The following OPCML variants were observed in gnomAD, a reference collection of about 807,000 sequenced individuals.
The protein encoded by OPCML is opioid-binding protein/cell adhesion molecule.
A neutral mutation model predicts 37.8 loss-of-function variants in OPCML; 13 were observed. The observed-to-expected ratio is 0.34, with a 90% CI of 0.22 to 0.55. OPCML has a LOEUF of 0.55. Ranked by LOEUF, OPCML falls within the 20% of genes least tolerant of loss-of-function variation. OPCML has a pLI of 0.91. For missense variants in OPCML, 341 were observed against 435.6 expected, an observed-to-expected ratio of 0.78 and a Z score of 1.93; for synonymous variants, 176 against 168.8, an observed-to-expected ratio of 1.04 and a Z score of -0.33.
chr11:133,192,829 C>A (rs1460121009), intron 1 of OPCML, among the ~76,000 whole-genome samples: 4 of 151,766 alleles, frequency 2.6e-5, no homozygotes, highest in Non-Finnish European at 5.9e-5. Flanking sequence ...CTGGTAACCT[C>A]CAATCAACAG....
chr11:133,364,851 G>T (rs928970972), intron 1 of OPCML, among the ~76,000 whole-genome samples: 2 of 152,152 alleles, frequency 1.3e-5, no homozygotes, highest in Middle Eastern at 3.4e-3. Flanking sequence ...GCTTGTGGGG[G>T]GTGTGTGGTG....
intron 3 of OPCML, among the ~76,000 whole-genome samples, chr11:132,603,392 C>T (rs1938059536): frequency 6.6e-6 from 1 of 152,184 alleles, no homozygotes. Context: ...TTGCTTTCAT[C>T]CTCCACATTC....
intron 4 of OPCML, among the ~76,000 whole-genome samples, chr11:132,469,783 T>TGTGTGTATGTGTGGAGGGGG (rs2096131251): frequency 2.0e-5 from 2 of 101,446 alleles, no homozygotes; most frequent in African/African-American, 7.3e-5. Flanking sequence ...TGTGGAGGGG[T>TGTGTGTATGTGTGGAGGGGG]GTGTGTGTGG....
intron 3 of OPCML, among the ~76,000 whole-genome samples, chr11:132,564,887 T>G (rs549969374): frequency 1.3e-5 from 2 of 152,320 alleles, no homozygotes; most frequent in African/African-American, 4.8e-5. Context: ...GACATTCTAC[T>G]CTTGCCTCCT....
intron 3 of OPCML, among the ~76,000 whole-genome samples, chr11:132,552,517 G>A (rs1277439643): frequency 1.3e-5 from 2 of 152,016 alleles, no homozygotes; most frequent in Non-Finnish European, 2.9e-5. Context: ...TTTGTTTGAC[G>A]TTTTTTGAAG....
chr11:133,157,725 C>A (rs1950081852), intron 1 of OPCML, among the ~76,000 whole-genome samples: 2 of 152,140 alleles, frequency 1.3e-5, no homozygotes, highest in Admixed American at 6.5e-5. Flanking sequence ...AAAATTGTAC[C>A]CATCTGTCTA....
intron 2 of OPCML, among the ~76,000 whole-genome samples, chr11:132,760,288 G>A (rs988528388): frequency 6.6e-6 from 1 of 152,200 alleles, no homozygotes; most frequent in African/African-American, 2.4e-5. Flanking sequence ...ATTTGGGGTG[G>A]AGAGTTCTAT....
chr11:132,683,291 T>C (rs1943031281), intron 2 of OPCML, among the ~76,000 whole-genome samples: 1 of 152,088 alleles, frequency 6.6e-6, no homozygotes, highest in Non-Finnish European at 1.5e-5. Context: ...TCCCAGTTAC[T>C]TACGAGGCTG....
chr11:132,585,221 T>C (rs1359441609), intron 3 of OPCML, among the ~76,000 whole-genome samples: 2 of 152,094 alleles, frequency 1.3e-5, no homozygotes, highest in Non-Finnish European at 2.9e-5. Flanking sequence ...AATGGACTAT[T>C]TGGTCTCAAA....
At chr11:133,003,900 C>T (rs776207057) in intron 1 of OPCML, 40 of 985,312 alleles carry the variant, frequency 4.1e-5, no homozygotes, top group Admixed American at 1.2e-4. Flanking sequence ...TCAGGATCCC[C>T]GCCAATCCCG....
chr11:132,533,807 G>A (rs567902675), intron 3 of OPCML, among the ~76,000 whole-genome samples: 118 of 152,180 alleles, frequency 7.8e-4, no homozygotes, highest in South Asian at 1.9e-3. Context: ...CCACTCTCCA[G>A]TTCTCAACTC....
chr11:132,630,067 A>G (rs1022357450), intron 3 of OPCML, among the ~76,000 whole-genome samples: 1 of 152,236 alleles, frequency 6.6e-6, no homozygotes, highest in Non-Finnish European at 1.5e-5. Flanking sequence ...ACTGTTAACA[A>G]TTGTTGGTGA....
intron 3 of OPCML, among the ~76,000 whole-genome samples, chr11:132,637,003 A>G (rs1940543128): frequency 6.6e-6 from 1 of 152,206 alleles, no homozygotes; most frequent in South Asian, 2.1e-4. Flanking sequence ...AATATCATTT[A>G]TGTAATCCTG....
Position 132,533,970 on chromosome 11 carries a change from C to A in OPCML, c.380-4784G>T, listed in dbSNP as rs142614174. 2.6e-5 allele frequency among the ~76,000 whole-genome samples: 4 copies of A among 152,244 alleles called. No homozygotes were observed. In the East Asian group the frequency reaches 5.8e-4, roughly 22 times the overall value. ...TATCCTCACATTCCTATTATACACA[C>A]AATGACTGACATGCAGTAACATCTT... On this transcript the variant is annotated intron_variant, in intron 3 of 7. Transcript: ENST00000524381.
intron 1 of OPCML, among the ~76,000 whole-genome samples, chr11:132,949,274 T>C (rs1488675694): frequency 1.3e-5 from 2 of 152,236 alleles, no homozygotes; most frequent in South Asian, 2.1e-4. Flanking sequence ...AGTAAGACTG[T>C]AGGCCTATAA....
chr11:132,986,600 G>T (rs996496184), intron 1 of OPCML, among the ~76,000 whole-genome samples: 2 of 152,106 alleles, frequency 1.3e-5, no homozygotes, highest in Admixed American at 1.3e-4. Context: ...TGAAATCAAG[G>T]AATCCTCGAA....
intron 1 of OPCML, among the ~76,000 whole-genome samples, chr11:133,507,705 G>A (rs912834344): frequency 1.3e-5 from 2 of 152,120 alleles, no homozygotes; most frequent in Admixed American, 6.5e-5. Flanking sequence ...AGCACTTTGG[G>A]AGGCCGAGGC....
chr11:132,453,383 A>T (rs955999339), intron 4 of OPCML, among the ~76,000 whole-genome samples: 6 of 152,198 alleles, frequency 3.9e-5, no homozygotes, highest in Non-Finnish European at 5.9e-5. Flanking sequence ...AATCGCTGAC[A>T]TCTCCCACTA....
chr11:133,041,454 G>A (rs887569837), intron 1 of OPCML, among the ~76,000 whole-genome samples: 1 of 152,120 alleles, frequency 6.6e-6, no homozygotes, highest in African/African-American at 2.4e-5. Context: ...CCCACCCTCT[G>A]CAGTCTCTCT....
Sources: gnomAD v4.1 joint callset for allele counts (sites outside exome capture counted in the v4.1 genomes callset) on GRCh38, gnomAD v4.1.1 for gene constraint, MANE v1.5 for transcripts, NCBI Gene and HGNC (gene_info 2026-07-23, HGNC 2026-07-21) for gene names.